The following FLRT2 variants were observed in gnomAD, a reference collection of about 807,000 sequenced individuals.
FLRT2 encodes the protein fibronectin leucine rich transmembrane protein 2, also known as leucine-rich repeat transmembrane protein FLRT2.
FLRT2 carries 15 observed loss-of-function variants against 40.0 expected under a neutral mutation model. The observed-to-expected ratio is 0.38, with a 90% CI of 0.25 to 0.58. FLRT2 has a LOEUF of 0.58. FLRT2 is among the 20% of genes least tolerant of loss of function. The probability of loss-of-function intolerance (pLI) is 0.71; values close to 1 mark genes in which losing one functional copy is unlikely to be tolerated. For missense variants in FLRT2, 726 were observed against 840.0 expected, an observed-to-expected ratio of 0.86 and a Z score of 1.68; for synonymous variants, 380 against 336.8, an observed-to-expected ratio of 1.13 and a Z score of -1.41.
chr14:85,592,357 C>A (rs193254097), intron 1 of FLRT2, among the ~76,000 whole-genome samples: 144 of 152,198 alleles, frequency 9.5e-4, no homozygotes, highest in African/African-American at 3.2e-3. Flanking sequence ...TAAATGGGAA[C>A]CTCCACTCAC....
At position 85,650,544 on chromosome 14, in the gene FLRT2, C is replaced by T. The variant is rs1300230573; in HGVS notation, c.*27047C>T. 1 of 151,904 alleles carries T rather than the reference C, an allele frequency of 6.6e-6. No individual in the cohort carries two copies. The highest frequency in any genetic ancestry group is 1.5e-5 in the Non-Finnish European group (1 of 67,924). The allele number at this position is 151,904 out of a possible 1,614,324, so 9.4% of individuals were successfully genotyped here. A position where few individuals can be genotyped will look rare whatever the true frequency, so the allele number is the denominator to read the frequency against. ...TTTTCATTTTTAACTTTACTAAATA[C>T]TGTAAAATTGTTCTCTGTGTGCCAA... On this transcript the variant is annotated 3_prime_UTR_variant, in exon 2 of 2. Transcript: ENST00000330753.
intron 1 of FLRT2, among the ~76,000 whole-genome samples, chr14:85,539,103 C>G (rs888888140): frequency 6.6e-6 from 1 of 152,000 alleles, no homozygotes; most frequent in Non-Finnish European, 1.5e-5. Flanking sequence ...AGAGCACATT[C>G]GTATCCACCC....
intron 1 of FLRT2, among the ~76,000 whole-genome samples, chr14:85,540,352 C>T (rs1477309974): frequency 2.0e-5 from 3 of 152,228 alleles, no homozygotes; most frequent in South Asian, 2.1e-4. Context: ...TGTCATTAAA[C>T]CCTGTGGAAC....
intron 1 of FLRT2, among the ~76,000 whole-genome samples, chr14:85,544,754 G>C (rs1262159317): frequency 6.6e-6 from 1 of 152,144 alleles, no homozygotes; most frequent in African/African-American, 2.4e-5. Flanking sequence ...GGTTCTTCTT[G>C]TTGGCCAAAA....
intron 1 of FLRT2, among the ~76,000 whole-genome samples, chr14:85,543,476 A>T (rs1245937706): frequency 6.6e-6 from 1 of 151,942 alleles, no homozygotes; most frequent in African/African-American, 2.4e-5. Context: ...CCCCACCATC[A>T]GTGTCCCCTA....
intron 1 of FLRT2, among the ~76,000 whole-genome samples, chr14:85,618,825 T>C (rs1463125583): frequency 1.3e-5 from 2 of 152,184 alleles, no homozygotes; most frequent in Non-Finnish European, 2.9e-5. Flanking sequence ...TTAGCTTTTC[T>C]ACCATCTTGC....
At chr14:85,584,334 A>C (rs1172516388) in intron 1 of FLRT2, among the ~76,000 whole-genome samples, 1 of 152,226 alleles carries the variant, frequency 6.6e-6, no homozygotes, top group African/African-American at 2.4e-5. Flanking sequence ...AATAATTAGC[A>C]AAAGAAATCA....
intron 1 of FLRT2, among the ~76,000 whole-genome samples, chr14:85,620,140 G>A (rs1436903165): frequency 6.6e-6 from 1 of 152,120 alleles, no homozygotes; most frequent in Admixed American, 6.6e-5. Context: ...AAGATAAAGA[G>A]GAAGGGAGAC....
Position 85,623,156 on chromosome 14 carries a change from G to A in FLRT2, c.1642G>A (p.Gly548Arg). Residue 548 changes from glycine to arginine, a missense_variant, in exon 2 of 2, where the codon GGG becomes AGG. Gly to Arg is a moderately radical substitution (Grantham distance 125, BLOSUM62 -2). Transcript: ENST00000330753. Reference sequence around the variant, plus strand: ...CCCCTTTCTGCTGGCGGGCTTGATCGGGGGCGCGGTGATATTTGTGCTGGT... The same window carrying A: ...CCCCTTTCTGCTGGCGGGCTTGATCAGGGGCGCGGTGATATTTGTGCTGGT... ...GSPFLLAGLI[G>R]GAVIFVLVVL... 1 of 1,585,530 alleles carries A rather than the reference G, an allele frequency of 6.3e-7. No individual in the cohort carries two copies. The highest frequency in any genetic ancestry group is 8.6e-7 in the Non-Finnish European group (1 of 1,165,586).
intron 1 of FLRT2, among the ~76,000 whole-genome samples, chr14:85,543,614 C>T (rs12881458): frequency 0.28 from 42,452 of 151,892 alleles, 6,798 homozygotes; most frequent in Middle Eastern, 0.42. Context: ...TATCATGCCA[C>T]GCAAGATCCG....
At position 85,649,440 on chromosome 14, in the gene FLRT2, G is replaced by A. The variant is rs1894382597; in HGVS notation, c.*25943G>A. 1 of 152,076 alleles carries A rather than the reference G, an allele frequency of 6.6e-6. No individual in the cohort carries two copies. Among genetic ancestry groups the A allele is most frequent in the African/African-American group, 2.4e-5 (1 of 41,440 alleles). 9.4% of individuals were successfully genotyped at this position (152,076 alleles called of 1,614,324 possible). A position where few individuals can be genotyped will look rare whatever the true frequency, so the allele number is the denominator to read the frequency against. On this transcript the variant is annotated 3_prime_UTR_variant, in exon 2 of 2. Coordinates refer to ENST00000330753, the MANE Select transcript of FLRT2 (RefSeq NM_013231.6). ...ACCAAGATGGATATGTGTGTCTTGA[G>A]GCAGAACTTAATTCAAAATTGTTCA...
At chr14:85,541,743 C>A (rs1048034476) in intron 1 of FLRT2, among the ~76,000 whole-genome samples, 1 of 152,096 alleles carries the variant, frequency 6.6e-6, no homozygotes, top group Non-Finnish European at 1.5e-5. Context: ...TGAACTGGGT[C>A]CTAACTTGGA....
chr14:85,602,095 G>T (rs1892401268), intron 1 of FLRT2, among the ~76,000 whole-genome samples: 1 of 152,168 alleles, frequency 6.6e-6, no homozygotes, highest in African/African-American at 2.4e-5. Flanking sequence ...ATGAAGGGTA[G>T]TAAAGTGTCT....
At position 85,636,810 on chromosome 14, in the gene FLRT2, TC is replaced by T. The variant is rs1410928841; in HGVS notation, c.*13316del. 6.6e-6 allele frequency: 1 copy of T among 151,502 alleles called. No homozygotes were observed. Among genetic ancestry groups the T allele is most frequent in the Non-Finnish European group, 1.5e-5 (1 of 67,966 alleles). The allele number at this position is 151,502 out of a possible 1,614,324, so 9.4% of individuals were successfully genotyped here. ...AGGGTATGGTGGCAGGCGCCTGTTA[TC>T]CCAGCTACTTGGGAGGCTGAGGCAG... On this transcript the variant is annotated 3_prime_UTR_variant, in exon 2 of 2. Coordinates refer to ENST00000330753, the MANE Select transcript of FLRT2 (RefSeq NM_013231.6).
intron 1 of FLRT2, among the ~76,000 whole-genome samples, chr14:85,533,070 C>G (rs1296910285): frequency 6.6e-6 from 1 of 152,180 alleles, no homozygotes; most frequent in Non-Finnish European, 1.5e-5. Context: ...CTGACTTTGC[C>G]TCTTGGAAAT....
intron 1 of FLRT2, among the ~76,000 whole-genome samples, chr14:85,569,186 G>A (rs1260965099): frequency 6.6e-6 from 1 of 152,202 alleles, no homozygotes; most frequent in Non-Finnish European, 1.5e-5. Flanking sequence ...TTGCCTTTGA[G>A]CATTGTTCTT....
At chr14:85,570,888 T>G (rs993061631) in intron 1 of FLRT2, among the ~76,000 whole-genome samples, 4 of 138,202 alleles carry the variant, frequency 2.9e-5, no homozygotes, top group Non-Finnish European at 6.7e-5. Context: ...CCCGGCCAAA[T>G]TCCCCTTATT....
intron 1 of FLRT2, among the ~76,000 whole-genome samples, chr14:85,583,939 A>G (rs1891503294): frequency 6.6e-6 from 1 of 150,800 alleles, no homozygotes; most frequent in Non-Finnish European, 1.5e-5. Context: ...AGCCTGGGCA[A>G]TGTAGCAAGA....
intron 1 of FLRT2, among the ~76,000 whole-genome samples, chr14:85,543,148 A>G (rs1438187675): frequency 1.3e-5 from 2 of 152,138 alleles, no homozygotes; most frequent in Admixed American, 6.5e-5. Flanking sequence ...CATGAAGACT[A>G]AGGTGGATCC....
Sources: allele counts gnomAD v4.1 joint callset (sites outside exome capture counted in the v4.1 genomes callset), GRCh38; gene constraint gnomAD v4.1.1; transcripts MANE v1.5; gene names NCBI Gene and HGNC (gene_info 2026-07-23, HGNC 2026-07-21).